HVCN1: variants seen among roughly 807,000 people sequenced by gnomAD.
The protein encoded by HVCN1 is voltage-gated hydrogen channel 1.
Under a neutral mutation model 29.2 loss-of-function variants are expected in HVCN1, and 14 were observed. That is an observed-to-expected ratio of 0.48 (90% CI 0.32 to 0.75). The LOEUF (loss-of-function observed/expected upper bound fraction) is 0.75, where lower values mean the gene tolerates loss of function less well. Among genes scored for constraint, HVCN1 ranks in the 30% least tolerant of loss-of-function variants. HVCN1 has a pLI of 0.04. For missense variants in HVCN1, 263 were observed against 341.8 expected (o/e 0.77, Z 1.82); for synonymous variants, 131 against 133.2 (o/e 0.98, Z 0.11).
intron 2 of HVCN1, among the ~76,000 whole-genome samples, chr12:110,686,742 C>T (rs2069197890): frequency 6.6e-6 from 1 of 152,154 alleles, no homozygotes; most frequent in African/African-American, 2.4e-5. Context: ...GAGAAATGTG[C>T]ACACATTCCT....
chr12:110,696,446 G>A (rs2069492626), intron 2 of HVCN1, among the ~76,000 whole-genome samples: 1 of 151,958 alleles, frequency 6.6e-6, no homozygotes, highest in African/African-American at 2.4e-5. Context: ...CGTACATAGT[G>A]GCATGCACCT....
intron 2 of HVCN1, among the ~76,000 whole-genome samples, chr12:110,698,372 A>C (rs2069524954): frequency 6.6e-6 from 1 of 152,188 alleles, no homozygotes; most frequent in Non-Finnish European, 1.5e-5. Flanking sequence ...AATATGCTCT[A>C]ACTCACTTTA....
rs2067674429 is a variant in HVCN1, at chr12:110,649,420, TCAC to T, written c.809_811del (p.Gly270del). The T allele has an allele frequency of 6.2e-7, 1 of 1,609,074 alleles. No homozygotes were observed. The highest frequency in any genetic ancestry group is 1.1e-5 in the South Asian group (1 of 90,228). On this transcript the variant is annotated inframe_deletion, in exon 8 of 8. Coordinates refer to ENST00000242607, the MANE Select transcript of HVCN1 (RefSeq NM_032369.4). ...GGAGCTGGTCCGGGTCTAGTTCACT[TCAC>T]CAAGAAGTCCATGCTGTCGCAATAG...
chr12:110,665,648 C>G (rs1029956333), intron 3 of HVCN1, among the ~76,000 whole-genome samples: 1 of 151,476 alleles, frequency 6.6e-6, no homozygotes, highest in Non-Finnish European at 1.5e-5. Context: ...TCAAGGATTT[C>G]AAGGAAAACA....
At chr12:110,672,765 T>G (rs1329036510) in intron 3 of HVCN1, among the ~76,000 whole-genome samples, 1 of 152,112 alleles carries the variant, frequency 6.6e-6, no homozygotes, top group Non-Finnish European at 1.5e-5. Flanking sequence ...AGTGAACAAG[T>G]CTCACAAGAT....
Position 110,676,406 on chromosome 12 carries a change from G to T in HVCN1, c.21+6819C>A, listed in dbSNP as rs2068752987. ...GAGGCTGCCTTCCTCAGACAGGCCTGCCTGGCCTCCACTGGCATCTGGGAA... is the reference window on the plus strand; with the variant it reads ...GAGGCTGCCTTCCTCAGACAGGCCTTCCTGGCCTCCACTGGCATCTGGGAA... On this transcript the variant is annotated intron_variant, in intron 3 of 7. Coordinates refer to ENST00000242607, the MANE Select transcript of HVCN1 (RefSeq NM_032369.4). This position sits in a 1 kb window ranked among gnomAD's most constrained non-coding sequence, Gnocchi z 4.1. 6.6e-6 allele frequency among the ~76,000 whole-genome samples: 1 copy of T among 152,226 alleles called. No individual in the cohort carries two copies. The highest frequency in any genetic ancestry group is 1.5e-5 in the Non-Finnish European group (1 of 68,046).
intron 3 of HVCN1, among the ~76,000 whole-genome samples, chr12:110,674,244 T>C (rs1316738177): frequency 1.3e-5 from 2 of 152,220 alleles, no homozygotes; most frequent in African/African-American, 2.4e-5. Flanking sequence ...CTATTTTGTT[T>C]TGGTTAATTT....
intron 3 of HVCN1, among the ~76,000 whole-genome samples, chr12:110,671,417 A>C (rs1053524440): frequency 6.6e-6 from 1 of 152,198 alleles, no homozygotes; most frequent in Non-Finnish European, 1.5e-5. Flanking sequence ...ACTGCAGACA[A>C]CACCAGAGGC....
intron 2 of HVCN1, among the ~76,000 whole-genome samples, chr12:110,687,256 C>CA (rs2069218132): frequency 8.1e-6 from 1 of 123,920 alleles, no homozygotes; most frequent in Non-Finnish European, 1.7e-5. Flanking sequence ...AGACAGACCA[C>CA]ACCCCCCCCC....
intron 3 of HVCN1, among the ~76,000 whole-genome samples, chr12:110,670,587 G>A (rs1048884239): frequency 5.3e-5 from 8 of 152,138 alleles, no homozygotes; most frequent in Non-Finnish European, 1.2e-4. Flanking sequence ...GTGAGGGGGG[G>A]CCTTGTCCAA....
At chr12:110,663,859 G>T (rs1168198118) in intron 3 of HVCN1, among the ~76,000 whole-genome samples, 1 of 152,082 alleles carries the variant, frequency 6.6e-6, no homozygotes, top group East Asian at 1.9e-4. Context: ...TATCTCAGTG[G>T]TTGTTTCCTG....
intron 4 of HVCN1, among the ~76,000 whole-genome samples, chr12:110,660,068 A>C (rs1174451142): frequency 6.6e-6 from 1 of 151,094 alleles, no homozygotes; most frequent in Non-Finnish European, 1.5e-5. Context: ...GTCTCCAATC[A>C]ATCAATCAAT....
intron 2 of HVCN1, among the ~76,000 whole-genome samples, chr12:110,698,855 C>A (rs140410574): frequency 6.6e-6 from 1 of 152,156 alleles, no homozygotes; most frequent in Non-Finnish European, 1.5e-5. Context: ...CAGCCGGGCA[C>A]GGTGGCTCAC....
chr12:110,699,694 T>G (rs2069543848), intron 2 of HVCN1, among the ~76,000 whole-genome samples: 2 of 152,188 alleles, frequency 1.3e-5, no homozygotes, highest in South Asian at 4.1e-4. Flanking sequence ...ACAGCGCCGC[T>G]GCCCCTCCTC....
chr12:110,654,439 A>C (rs970079116), intron 5 of HVCN1, among the ~76,000 whole-genome samples: 1 of 151,856 alleles, frequency 6.6e-6, no homozygotes, highest in Admixed American at 6.6e-5. Context: ...GTTTTTCCAA[A>C]AAAGGGCATG....
chr12:110,695,013 A>G (rs2069466720), intron 2 of HVCN1, among the ~76,000 whole-genome samples: 1 of 152,376 alleles, frequency 6.6e-6, no homozygotes, highest in South Asian at 2.1e-4. Context: ...TAGGCAGAGA[A>G]CACAGAGTTG....
chr12:110,693,467 C>T (rs962866083), upstream of HVCN1, among the ~76,000 whole-genome samples: 1 of 151,938 alleles, frequency 6.6e-6, no homozygotes, highest in Non-Finnish European at 1.5e-5. Context: ...TCGCTTGAAC[C>T]CGGGAGGTGG....
At chr12:110,682,988 C>G (rs542185533) in intron 3 of HVCN1, 1 of 466,698 alleles carries the variant, frequency 2.1e-6, no homozygotes, top group Non-Finnish European at 3.8e-6. Context: ...CAAAAAAAAC[C>G]GCACATAGTT....
intron 4 of HVCN1, among the ~76,000 whole-genome samples, chr12:110,659,455 A>C (rs191395876): frequency 2.0e-5 from 3 of 152,334 alleles, no homozygotes; most frequent in Non-Finnish European, 2.9e-5. Flanking sequence ...CATCCCCTAA[A>C]TGCCCACCTT....
Sources: gnomAD v4.1 joint callset for allele counts (sites outside exome capture counted in the v4.1 genomes callset) on GRCh38, gnomAD v4.1.1 for gene constraint, Gnocchi (gnomAD v3.1) non-coding constraint, MANE v1.5 for transcripts, NCBI Gene and HGNC (gene_info 2026-07-23, HGNC 2026-07-21) for gene names.